Variants in ZNF646 observed in about 807,000 individuals in gnomAD.
ZNF646 encodes zinc finger protein 646.
A neutral mutation model predicts 115.4 loss-of-function variants in ZNF646; 49 were observed. The ratio of observed to expected loss-of-function variants is 0.42; its 90% confidence interval spans 0.34 to 0.54. The LOEUF is 0.54. Among genes scored for constraint, ZNF646 ranks in the 20% least tolerant of loss-of-function variants. The pLI is 0.04. For synonymous variants in ZNF646, 933 were observed against 939.0 expected (o/e 0.99, Z 0.12); for missense variants, 2,269 against 2,457.9 (o/e 0.92, Z 1.62).
At position 31,079,654 on chromosome 16, in the gene ZNF646, G is replaced by A; in HGVS notation, c.3330G>A (p.Gln1110=). 6.2e-7 allele frequency: 1 copy of A among 1,613,472 alleles called. No homozygotes were observed. Among genetic ancestry groups the A allele is most frequent in the Non-Finnish European group, 8.5e-7 (1 of 1,179,988 alleles). Reference sequence around the variant, plus strand: ...CTCGCTGCAAAGGCTCTGAGCCCCAGGTTGGGCCCATCCCAGAGGCAGCAG... The same window carrying A: ...CTCGCTGCAAAGGCTCTGAGCCCCAAGTTGGGCCCATCCCAGAGGCAGCAG... ...NHPRCKGSEP[Q]VGPIPEAAGS... The change falls in exon 2 of 3, where the codon CAG becomes CAA. Residue 1110 remains glutamine, a synonymous_variant. Transcript: ENST00000300850. The surrounding 1 kb of genome is among the most constrained non-coding windows in gnomAD (Gnocchi z 5.5).
upstream of ZNF646, chr16:31,072,872 G>GA (rs2143784276): frequency 6.6e-6 from 1 of 152,466 alleles, no homozygotes; most frequent in South Asian, 2.1e-4. Flanking sequence ...TCTCCAACGG[G>GA]AAAGCCCCTT....
Position 31,080,929 on chromosome 16 carries a change from G to C in ZNF646, c.4605G>C (p.Gln1535His). The part of the protein sequence containing the change: ...LQPGSHSSCS[Q>H]CGKTYCQSGS... ...CAGGGAGCCACTCCTCTTGCAGCCA[G>C]TGTGGCAAGACTTACTGCCAGTCAG... Residue 1535 changes from glutamine to histidine, a missense_variant, in exon 2 of 3, where the codon CAG (glutamine) becomes CAC (histidine). By Grantham distance (24) the Gln-to-His change is conservative. Around this residue, in one of 5 missense-constraint regions of ZNF646, gnomAD observed 1,062 missense variants for 1,172.8 expected, o/e 0.91. Coordinates refer to ENST00000300850, the MANE Select transcript of ZNF646 (RefSeq NM_014699.4). 1 of 1,614,150 alleles carries C rather than the reference G, an allele frequency of 6.2e-7. No individual in the cohort carries two copies. The highest frequency in any genetic ancestry group is 1.1e-5 in the South Asian group (1 of 91,086).
chr16:31,077,513 C>G lies in ZNF646; in HGVS notation c.1189C>G (p.Gln397Glu). The G allele has an allele frequency of 6.8e-6, 11 of 1,613,518 alleles. No individual in the cohort carries two copies. Among genetic ancestry groups the G allele is most frequent in the Non-Finnish European group, 9.3e-6 (11 of 1,179,916 alleles). Residue 397 changes from glutamine (Q) to glutamate (E), a missense_variant, in exon 2 of 3, where the codon CAG becomes GAG. Gln to Glu is a conservative substitution (Grantham distance 29). Around this residue, in one of 5 missense-constraint regions of ZNF646, gnomAD observed 852 missense variants for 900.2 expected, o/e 0.95. Coordinates refer to ENST00000300850, the MANE Select transcript of ZNF646 (RefSeq NM_014699.4). ...GSLINHRKSH[Q>E]TGVYPCSLCS... ...CCTCATCAACCATCGAAAGAGCCACCAGACAGGTGTCTACCCCTGCTCACT... is the reference window on the plus strand; with the variant it reads ...CCTCATCAACCATCGAAAGAGCCACGAGACAGGTGTCTACCCCTGCTCACT...
chr16:31,078,744 A>G lies in ZNF646; in HGVS notation c.2420A>G (p.His807Arg), dbSNP rs774410514. 2 of 1,613,544 alleles carry G rather than the reference A, an allele frequency of 1.2e-6. No homozygotes were observed. Among genetic ancestry groups the G allele is most frequent in the Non-Finnish European group, 1.7e-6 (2 of 1,179,880 alleles). The change falls in exon 2 of 3, where the codon CAC becomes CGC. Residue 807 changes from histidine (H) to arginine (R), a missense_variant. By Grantham distance (29) the His-to-Arg change is conservative. Coordinates refer to ENST00000300850, the MANE Select transcript of ZNF646 (RefSeq NM_014699.4). Reference sequence around the variant, plus strand: ...ACTGGCCAACCCAACTCCTCTTCCCACTCTGCCAATGCTGTCACTGGCTGG... The same window carrying G: ...ACTGGCCAACCCAACTCCTCTTCCCGCTCTGCCAATGCTGTCACTGGCTGG... ...PATGQPNSSS[H>R]SANAVTGWQA...
At chr16:31,082,844 T>C in intron 2 of ZNF646, 127 bp from the exon 3 acceptor site, 1 of 1,280,698 alleles carries the variant, frequency 7.8e-7, no homozygotes, top group Non-Finnish European at 1.1e-6. Context: ...TTAGGAGGCC[T>C]AGAATCCCTG....
At position 31,077,425 on chromosome 16, in the gene ZNF646, C is replaced by T. The variant is rs754301552; in HGVS notation, c.1101C>T (p.Gly367=). 1.2e-6 allele frequency: 2 copies of T among 1,613,058 alleles called. No individual in the cohort carries two copies. The highest frequency in any genetic ancestry group is 4.5e-5 in the East Asian group (2 of 44,872). ...CCTCTGGGGAGCTGGAGGACAGTGGCCTGGAGGAATACCGGCCTTTCCGCT... is the reference window on the plus strand; with the variant it reads ...CCTCTGGGGAGCTGGAGGACAGTGGTCTGGAGGAATACCGGCCTTTCCGCT... ...LSTSGELEDS[G]LEEYRPFRCG... The change falls in exon 2 of 3, where the codon GGC becomes GGT. Residue 367 remains glycine (G), a synonymous_variant. Transcript: ENST00000300850.
chr16:31,080,203 T>C lies in ZNF646; in HGVS notation c.3879T>C (p.Thr1293=). 6.2e-7 allele frequency: 1 copy of C among 1,608,718 alleles called. No individual in the cohort carries two copies. The highest frequency in any genetic ancestry group is 8.5e-7 in the Non-Finnish European group (1 of 1,177,556). The part of the protein sequence containing the change: ...RRGGGGTRKA[T]REDRPFRCGQ... ...GGGGTGGGGGCACCCGAAAGGCGAC[T>C]CGGGAAGATCGGCCCTTCCGCTGTG... Residue 1293 remains threonine, a synonymous_variant, in exon 2 of 3, where the codon ACT becomes ACC. Transcript: ENST00000300850.
In ZNF646 at chr16:31,080,113, T is replaced by C. The variant is rs765827479; in HGVS notation, c.3789T>C (p.Cys1263=). The part of the protein sequence containing the change: ...ADPRRFRCSE[C]GKAFRLRKQL... ...CCCGACGTTTCCGCTGCAGCGAGTG[T>C]GGGAAGGCCTTCCGCCTGCGGAAAC... Residue 1263 remains cysteine (C), a synonymous_variant, in exon 2 of 3, where the codon TGT becomes TGC. Transcript: ENST00000300850. 6.2e-6 allele frequency: 10 copies of C among 1,612,772 alleles called. No individual in the cohort carries two copies. The South Asian group carries it at 1.1e-4, about 18-fold the overall frequency.
At chr16:31,075,078 G>T (rs903027713) in intron 1 of ZNF646, among the ~76,000 whole-genome samples, 8 of 152,126 alleles carry the variant, frequency 5.3e-5, no homozygotes, top group African/African-American at 1.9e-4. Context: ...CTGGCACATG[G>T]TAATATAATA....
In ZNF646 at chr16:31,083,094, C is replaced by G; in HGVS notation, c.*2C>G. The stretch of plus-strand genomic sequence containing the variant: ...GCAGACCTCAGCTTCTCCCTCTGAA[C>G]TTCAAGTCTCCAAAGATCAGAATCT... On this transcript the variant is annotated 3_prime_UTR_variant, in exon 3 of 3. Transcript: ENST00000300850. 1.2e-6 allele frequency: 2 copies of G among 1,602,462 alleles called. No individual in the cohort carries two copies. Among genetic ancestry groups the G allele is most frequent in the Non-Finnish European group, 1.7e-6 (2 of 1,175,308 alleles).
Position 31,083,178 on chromosome 16 carries a change from G to C in ZNF646, c.*86G>C. The C allele has an allele frequency of 6.6e-7, 1 of 1,518,308 alleles. No individual in the cohort carries two copies. The highest frequency in any genetic ancestry group is 8.8e-7 in the Non-Finnish European group (1 of 1,134,526). The allele number at this position is 1,518,308 out of a possible 1,614,324, so 94.1% of individuals were successfully genotyped here. A position where few individuals can be genotyped will look rare whatever the true frequency, so the allele number is the denominator to read the frequency against. On this transcript the variant is annotated 3_prime_UTR_variant, in exon 3 of 3. Coordinates refer to ENST00000300850, the MANE Select transcript of ZNF646 (RefSeq NM_014699.4). ...CTCCACATTTTCTCAGGAGTAGTTCGGGCATCCCCATATCTTCTCCTCTCC... is the reference window on the plus strand; with the variant it reads ...CTCCACATTTTCTCAGGAGTAGTTCCGGCATCCCCATATCTTCTCCTCTCC...
At chr16:31,082,878 A>G in intron 2 of ZNF646, 93 bp from the exon 3 acceptor site, 1 of 1,479,432 alleles carries the variant, frequency 6.8e-7, no homozygotes, top group Non-Finnish European at 9.0e-7. Context: ...CTCCGGGGCC[A>G]GGGGCAGGGG....
rs72785535 is a variant in ZNF646, at chr16:31,083,358, C to T, written c.*266C>T. On this transcript the variant is annotated 3_prime_UTR_variant, in exon 3 of 3. Coordinates refer to ENST00000300850, the MANE Select transcript of ZNF646 (RefSeq NM_014699.4). ...GCCAGATTGCAACACCAGGGAGAGG[C>T]GGATGCAGAGCCCCACCGGTGGGAA... 0.2 allele frequency: 199,487 copies of T among 995,012 alleles called. 22,467 individuals are homozygous for T. Among genetic ancestry groups the T allele is most frequent in the Non-Finnish European group, 0.23 (164,829 of 722,616 alleles). The allele number at this position is 995,012 out of a possible 1,614,324, so 61.6% of individuals were successfully genotyped here.
At chr16:31,075,778 T>C (rs1270030149) in intron 1 of ZNF646, 1 of 152,308 alleles carries the variant, frequency 6.6e-6, no homozygotes, top group Non-Finnish European at 1.5e-5. Flanking sequence ...TCAGTGCTTC[T>C]CAGCTACTCT....
At chr16:31,082,014 C>T (rs749774707) in intron 2 of ZNF646, 1 of 444,476 alleles carries the variant, frequency 2.2e-6, no homozygotes, top group Non-Finnish European at 4.1e-6. Flanking sequence ...GGGAAGGTCA[C>T]TGGGTACCCC....
At chr16:31,075,053 TAGTTAGCAC>T (rs2057059281) in intron 1 of ZNF646, among the ~76,000 whole-genome samples, 1 of 152,100 alleles carries the variant, frequency 6.6e-6, no homozygotes, top group African/African-American at 2.4e-5. Context: ...ACAATGAATA[TAGTTAGCAC>T]AGTGCCTGGC....
In ZNF646 at chr16:31,083,807, G is replaced by A; in HGVS notation, c.*715G>A. 2 of 1,614,058 alleles carry A rather than the reference G, an allele frequency of 1.2e-6. No individual in the cohort carries two copies. The highest frequency in any genetic ancestry group is 1.7e-6 in the Non-Finnish European group (2 of 1,179,914). On this transcript the variant is annotated 3_prime_UTR_variant, in exon 3 of 3. Coordinates refer to ENST00000300850, the MANE Select transcript of ZNF646 (RefSeq NM_014699.4). Reference sequence around the variant, plus strand: ...GTCCCCTGTCAGCAGCTGGTTGGTTGGCCTGTGGGGAAGGAAGGAGGGTGG... The same window carrying A: ...GTCCCCTGTCAGCAGCTGGTTGGTTAGCCTGTGGGGAAGGAAGGAGGGTGG...
Position 31,081,135 on chromosome 16 carries a change from T to C in ZNF646, c.4811T>C (p.Leu1604Pro). The C allele has an allele frequency of 1.2e-6, 2 of 1,606,322 alleles. No individual in the cohort carries two copies. Among genetic ancestry groups the C allele is most frequent in the Non-Finnish European group, 1.7e-6 (2 of 1,174,964 alleles). ...FESHQELASH[L>P]QAHARGHSQV... The stretch of plus-strand genomic sequence containing the variant: ...TCCCACCAGGAACTGGCCAGCCACC[T>C]GCAGGCTCATGCCCGGGGCCACAGC... The change falls in exon 2 of 3, where the codon CTG becomes CCG. Residue 1604 changes from leucine to proline, a missense_variant. Coordinates refer to ENST00000300850, the MANE Select transcript of ZNF646 (RefSeq NM_014699.4).
chr16:31,079,183 T>C lies in ZNF646; in HGVS notation c.2859T>C (p.Ser953=), dbSNP rs1033481125. Reference sequence around the variant, plus strand: ...AGCGGGAGGTGGAAGCGCTGGACAGTGCAGGGTATGGGCACATCTGTGGCT... The same window carrying C: ...AGCGGGAGGTGGAAGCGCTGGACAGCGCAGGGTATGGGCACATCTGTGGCT... The part of the protein sequence containing the change: ...QLQREVEALD[S]AGYGHICGCC... Residue 953 remains serine, a synonymous_variant, in exon 2 of 3, where the codon AGT becomes AGC. Coordinates refer to ENST00000300850, the MANE Select transcript of ZNF646 (RefSeq NM_014699.4). This position sits in a 1 kb window ranked among gnomAD's most constrained non-coding sequence, Gnocchi z 5.5. 17 of 1,613,272 alleles carry C rather than the reference T, an allele frequency of 1.1e-5. No homozygotes were observed. The highest frequency in any genetic ancestry group is 1.4e-5 in the Non-Finnish European group (16 of 1,179,972).
Sources: allele counts gnomAD v4.1 joint callset (sites outside exome capture counted in the v4.1 genomes callset), GRCh38; gene constraint gnomAD v4.1.1; regional missense constraint gnomAD v4.1.1; non-coding constraint Gnocchi (gnomAD v3.1); transcripts MANE v1.5; gene names NCBI Gene and HGNC (gene_info 2026-07-23, HGNC 2026-07-21).